Variants in PPARGC1A observed in about 807,000 individuals in gnomAD.
The protein encoded by PPARGC1A is peroxisome proliferator-activated receptor gamma coactivator 1-alpha.
Under a neutral mutation model 88.7 loss-of-function variants are expected in PPARGC1A, and 25 were observed. The observed-to-expected ratio is 0.28, with a 90% CI of 0.21 to 0.39. The LOEUF (loss-of-function observed/expected upper bound fraction) is 0.39, where lower values mean the gene tolerates loss of function less well. Among genes scored for constraint, PPARGC1A ranks in the 10% least tolerant of loss-of-function variants. The pLI is 1.00. For synonymous variants in PPARGC1A, 363 were observed against 355.6 expected, an observed-to-expected ratio of 1.02 and a Z score of -0.24; for missense variants, 880 against 968.7, an observed-to-expected ratio of 0.91 and a Z score of 1.22.
the PPARGC1A span, among the ~76,000 whole-genome samples, chr4:24,360,823 C>T: frequency 6.6e-6 from 1 of 152,168 alleles, no homozygotes; most frequent in African/African-American, 2.4e-5. Flanking sequence ...TTTTGCTCAT[C>T]TATATGATGT....
the PPARGC1A span, among the ~76,000 whole-genome samples, chr4:24,000,993 A>G: frequency 6.6e-6 from 1 of 152,342 alleles, no homozygotes; most frequent in South Asian, 2.1e-4. Context: ...AGAGTACTAT[A>G]GAAAGGTTAC....
chr4:23,905,339 T>C (rs1442405136), upstream of PPARGC1A, among the ~76,000 whole-genome samples: 3 of 152,196 alleles, frequency 2.0e-5, no homozygotes, highest in Non-Finnish European at 1.5e-5. Flanking sequence ...AAACTACTTA[T>C]GGCATGCATA....
At chr4:24,390,735 G>A in the PPARGC1A span, among the ~76,000 whole-genome samples, 4 of 151,876 alleles carry the variant, frequency 2.6e-5, no homozygotes, top group Admixed American at 6.6e-5. Context: ...TGTTTGAAGC[G>A]GTATTTTTAG....
chr4:24,192,407 CTT>C, the PPARGC1A span, among the ~76,000 whole-genome samples: 1 of 152,162 alleles, frequency 6.6e-6, no homozygotes, highest in African/African-American at 2.4e-5. Flanking sequence ...AGTGCTAAGA[CTT>C]ATTAGATTAC....
At chr4:24,463,278 C>T in the PPARGC1A span, among the ~76,000 whole-genome samples, 10 of 152,302 alleles carry the variant, frequency 6.6e-5, no homozygotes, top group Non-Finnish European at 1.5e-4. Context: ...CAGCATGGAG[C>T]AGTTACCAAA....
chr4:24,285,025 C>CAA, the PPARGC1A span, among the ~76,000 whole-genome samples: 2 of 150,740 alleles, frequency 1.3e-5, no homozygotes, highest in African/African-American at 4.9e-5. Context: ...GAGACTGTCT[C>CAA]AAAAAAAAGT....
intron 2 of PPARGC1A, among the ~76,000 whole-genome samples, chr4:23,861,576 C>T (rs1371966281): frequency 6.6e-6 from 1 of 152,070 alleles, no homozygotes; most frequent in Non-Finnish European, 1.5e-5. Flanking sequence ...TGAGAGAATA[C>T]CATGCAGTGT....
chr4:23,872,629 TCAAA>T (rs1047633465), intron 2 of PPARGC1A, among the ~76,000 whole-genome samples: 24 of 152,194 alleles, frequency 1.6e-4, no homozygotes, highest in African/African-American at 5.5e-4. Context: ...CTCTACTTCC[TCAAA>T]CAGACAGCTT....
At chr4:24,173,534 A>G in the PPARGC1A span, among the ~76,000 whole-genome samples, 1 of 152,148 alleles carries the variant, frequency 6.6e-6, no homozygotes, top group South Asian at 2.1e-4. Flanking sequence ...CTGTTGCAAC[A>G]ACAACAAAAT....
chr4:24,428,878 T>C, the PPARGC1A span, among the ~76,000 whole-genome samples: 1 of 152,196 alleles, frequency 6.6e-6, no homozygotes, highest in Non-Finnish European at 1.5e-5. Flanking sequence ...CCTCAGGCCA[T>C]GGGATAATCT....
chr4:24,256,068 A>G, the PPARGC1A span, among the ~76,000 whole-genome samples: 1 of 152,178 alleles, frequency 6.6e-6, no homozygotes, highest in Non-Finnish European at 1.5e-5. Context: ...GTGGAAGTAG[A>G]TGCTATTATT....
At chr4:24,405,107 T>G in the PPARGC1A span, among the ~76,000 whole-genome samples, 1 of 152,178 alleles carries the variant, frequency 6.6e-6, no homozygotes, top group Non-Finnish European at 1.5e-5. Context: ...AAACAAGGGC[T>G]TTATGTCCCC....
chr4:24,387,521 C>T, the PPARGC1A span, among the ~76,000 whole-genome samples: 3 of 151,898 alleles, frequency 2.0e-5, no homozygotes, highest in Non-Finnish European at 2.9e-5. Context: ...GTCAAGTGAT[C>T]GAGACCATCC....
chr4:23,811,486 T>A (rs7667050), intron 10 of PPARGC1A, among the ~76,000 whole-genome samples: 26 of 152,130 alleles, frequency 1.7e-4, no homozygotes, highest in Admixed American at 1.7e-3. Flanking sequence ...CCCTAGAGCA[T>A]CATGTCAGAA....
At chr4:23,951,382 A>T in the PPARGC1A span, among the ~76,000 whole-genome samples, 1 of 152,144 alleles carries the variant, frequency 6.6e-6, no homozygotes, top group South Asian at 2.1e-4. Context: ...AACATAAAAG[A>T]GCAGAGTCTG....
At chr4:23,954,394 T>C in the PPARGC1A span, among the ~76,000 whole-genome samples, 7 of 152,060 alleles carry the variant, frequency 4.6e-5, no homozygotes, top group Non-Finnish European at 8.8e-5. Context: ...TGGACAATTT[T>C]GTTATTTATA....
At chr4:24,276,152 C>A in the PPARGC1A span, among the ~76,000 whole-genome samples, 6 of 152,268 alleles carry the variant, frequency 3.9e-5, no homozygotes, top group East Asian at 1.2e-3. Flanking sequence ...TCCGAAGACT[C>A]AAAGAAAGGG....
At chr4:24,182,100 T>A in the PPARGC1A span, among the ~76,000 whole-genome samples, 1 of 152,152 alleles carries the variant, frequency 6.6e-6, no homozygotes, top group Non-Finnish European at 1.5e-5. Context: ...TCATATAGGT[T>A]TTAAGTCCCG....
At chr4:24,297,533 T>C in the PPARGC1A span, among the ~76,000 whole-genome samples, 1 of 152,172 alleles carries the variant, frequency 6.6e-6, no homozygotes, top group Non-Finnish European at 1.5e-5. Flanking sequence ...CATCTACACA[T>C]AATCTTGATA....
Sources: allele counts gnomAD v4.1 joint callset (sites outside exome capture counted in the v4.1 genomes callset), GRCh38; gene constraint gnomAD v4.1.1; transcripts MANE v1.5; gene names NCBI Gene and HGNC (gene_info 2026-07-23, HGNC 2026-07-21).